The following CSMD2 variants were observed in gnomAD, a reference collection of about 807,000 sequenced individuals.
The protein encoded by CSMD2 is CUB and sushi domain-containing protein 2.
Under a neutral mutation model 398.5 loss-of-function variants are expected in CSMD2, and 130 were observed. The ratio of observed to expected loss-of-function variants is 0.33; its 90% confidence interval spans 0.28 to 0.38. CSMD2 has a LOEUF of 0.38. Ranked by LOEUF, CSMD2 falls within the 10% of genes least tolerant of loss-of-function variation. The pLI, the probability that CSMD2 is intolerant of heterozygous loss-of-function variation, is 1.00. For synonymous variants in CSMD2, 1,828 were observed against 1,908.5 expected (o/e 0.96, Z 1.10); for missense variants, 3,829 against 4,764.9 (o/e 0.80, Z 5.78).
At chr1:33,979,281 G>A (rs1452367855) in intron 3 of CSMD2, among the ~76,000 whole-genome samples, 1 of 152,192 alleles carries the variant, frequency 6.6e-6, no homozygotes, top group East Asian at 1.9e-4. Flanking sequence ...TGTGTCTGAA[G>A]CAGGGTGGAG....
chr1:33,876,539 A>G (rs1558040463), intron 5 of CSMD2, among the ~76,000 whole-genome samples: 1 of 152,312 alleles, frequency 6.6e-6, no homozygotes, highest in Non-Finnish European at 1.5e-5. Context: ...GCACTGTTCT[A>G]AGTCCCTCGC....
chr1:33,678,297 T>G (rs1192705257), intron 25 of CSMD2, among the ~76,000 whole-genome samples: 3 of 102,004 alleles, frequency 2.9e-5, no homozygotes, highest in Non-Finnish European at 5.7e-5. Flanking sequence ...CAAATAAACC[T>G]CTTTTCTTTA....
At chr1:33,990,065 A>G (rs1646497288) in intron 3 of CSMD2, among the ~76,000 whole-genome samples, 1 of 151,964 alleles carries the variant, frequency 6.6e-6, no homozygotes, top group African/African-American at 2.4e-5. Flanking sequence ...GAGGTCCGGC[A>G]TTCGAGACCA....
chr1:33,597,175 T>C (rs1182659701), intron 44 of CSMD2, among the ~76,000 whole-genome samples: 1 of 152,208 alleles, frequency 6.6e-6, no homozygotes, highest in Non-Finnish European at 1.5e-5. Context: ...GATCCTCATA[T>C]GAAAAGAAAG....
rs141818038 is a variant in CSMD2 at position 34,074,587 on chromosome 1, A to G, written c.404+14390T>C. On this transcript the variant is annotated intron_variant, in intron 2 of 70. Transcript: ENST00000373381. Reference sequence around the variant, plus strand: ...CAGAGAGCATTGATTCATTCACTCCATAAGTATTTGTTTAGCATCTGCTAT... The same window carrying G: ...CAGAGAGCATTGATTCATTCACTCCGTAAGTATTTGTTTAGCATCTGCTAT... Among the ~76,000 whole-genome samples, 226 of 152,332 alleles carry G rather than the reference A, an allele frequency of 1.5e-3. 4 individuals are homozygous for G. Among genetic ancestry groups the G allele is most frequent in the African/African-American group, 5.1e-3 (210 of 41,580 alleles).
intron 4 of CSMD2, among the ~76,000 whole-genome samples, chr1:33,932,142 G>C (rs768432889): frequency 3.6e-4 from 55 of 152,188 alleles, no homozygotes; most frequent in Admixed American, 2.6e-4. Flanking sequence ...AACAAAAAGA[G>C]CAGGTTTGGG....
At chr1:33,774,569 G>C (rs2149333913) in intron 12 of CSMD2, among the ~76,000 whole-genome samples, 1 of 152,272 alleles carries the variant, frequency 6.6e-6, no homozygotes, top group East Asian at 1.9e-4. Context: ...GGCATTTTGA[G>C]ACCTGGTGAA....
intron 5 of CSMD2, among the ~76,000 whole-genome samples, chr1:33,877,773 A>G (rs1640941310): frequency 6.6e-6 from 1 of 152,078 alleles, no homozygotes. Context: ...GAGACCACAG[A>G]GAAGAGAGAG....
chr1:34,157,580 C>T (rs114894379), intron 1 of CSMD2, among the ~76,000 whole-genome samples: 2,808 of 151,062 alleles, frequency 0.019, 71 homozygotes, highest in Non-Finnish European at 0.022. Flanking sequence ...CCCATCCCAC[C>T]CCAGTGTCTT....
intron 32 of CSMD2, among the ~76,000 whole-genome samples, chr1:33,627,402 T>G (rs1167735363): frequency 6.6e-6 from 1 of 152,074 alleles, no homozygotes; most frequent in African/African-American, 2.4e-5. Context: ...AGGGAGAACA[T>G]GGGTGGAGGC....
chr1:33,895,918 C>A (rs770953434), intron 5 of CSMD2, among the ~76,000 whole-genome samples: 1 of 152,274 alleles, frequency 6.6e-6, no homozygotes, highest in East Asian at 1.9e-4. Flanking sequence ...AACTGTAGCA[C>A]CTGCTGGCAC....
At chr1:33,656,971 T>C (rs550186796) in intron 27 of CSMD2, among the ~76,000 whole-genome samples, 9 of 152,228 alleles carry the variant, frequency 5.9e-5, no homozygotes, top group African/African-American at 1.9e-4. Flanking sequence ...CTGAGCAAAA[T>C]AGACATGTGG....
At position 33,820,562 on chromosome 1, in the gene CSMD2, A is replaced by AG. The variant is rs1557947486; in HGVS notation, c.1112-7dup. 1.9e-6 allele frequency: 2 copies of AG among 1,073,126 alleles called. No homozygotes were observed. Among genetic ancestry groups the AG allele is most frequent in the Non-Finnish European group, 2.7e-6 (2 of 753,314 alleles). 66.5% of individuals were successfully genotyped at this position (1,073,126 alleles called of 1,614,324 possible). A position where few individuals can be genotyped will look rare whatever the true frequency, so the allele number is the denominator to read the frequency against. On this transcript the variant is annotated splice_region_variant and splice_polypyrimidine_tract_variant and intron_variant, in intron 7 of 70. Transcript: ENST00000373381. ...GGACACACCAACCTGAGTTACTACA[A>AG]GGCAAAAAAAAAAAAAAAAAAAAAA...
intron 57 of CSMD2, among the ~76,000 whole-genome samples, chr1:33,545,462 C>A (rs1237245822): frequency 6.6e-6 from 1 of 152,172 alleles, no homozygotes; most frequent in Non-Finnish European, 1.5e-5. Flanking sequence ...ACTGTAAGCC[C>A]CAGGAGATCA....
At chr1:33,679,924 T>G (rs1644847896) in intron 25 of CSMD2, among the ~76,000 whole-genome samples, 1 of 151,142 alleles carries the variant, frequency 6.6e-6, no homozygotes, top group African/African-American at 2.4e-5. Flanking sequence ...TTTTACTTTT[T>G]TTTTTTTTCT....
intron 2 of CSMD2, among the ~76,000 whole-genome samples, chr1:34,045,038 T>TACATAC (rs1219579384): frequency 1.6e-3 from 231 of 142,836 alleles, no homozygotes; most frequent in African/African-American, 3.1e-3. Context: ...TCACACACCA[T>TACATAC]ACACACACAC....
At position 33,743,300 on chromosome 1, in the gene CSMD2, C is replaced by T; in HGVS notation, c.2153G>A (p.Gly718Asp). ...FQTDHSTGKR[G>D]FNITFTTFRH... ...CTCACTGGTAAAAGTGATGTTGAAG[C>T]CCCTCTTCCCTGTGGAGTGGTCAGT... is the stretch of plus-strand genomic sequence containing the variant. The change falls in exon 14 of 71, where the codon GGC becomes GAC. Residue 718 changes from glycine to aspartate, a missense_variant. Transcript: ENST00000373381. 1 of 1,606,538 alleles carries T rather than the reference C, an allele frequency of 6.2e-7. No individual in the cohort carries two copies. Among genetic ancestry groups the T allele is most frequent in the Non-Finnish European group, 8.5e-7 (1 of 1,175,022 alleles).
intron 5 of CSMD2, among the ~76,000 whole-genome samples, chr1:33,908,060 T>C (rs1643214309): frequency 8.1e-6 from 1 of 124,124 alleles, no homozygotes; most frequent in Admixed American, 1.1e-4. Flanking sequence ...CACTCCAGCC[T>C]GGCTGACAGA....
chr1:33,541,949 A>G (rs1656387254), intron 58 of CSMD2, among the ~76,000 whole-genome samples: 2 of 152,198 alleles, frequency 1.3e-5, no homozygotes, highest in South Asian at 4.1e-4. Flanking sequence ...CAGGACTCCT[A>G]GGGACAACAG....
Sources: allele counts gnomAD v4.1 joint callset (sites outside exome capture counted in the v4.1 genomes callset), GRCh38; gene constraint gnomAD v4.1.1; transcripts MANE v1.5; gene names NCBI Gene and HGNC (gene_info 2026-07-23, HGNC 2026-07-21).